Variants in KSR2 observed in about 807,000 individuals in gnomAD.
KSR2 encodes kinase suppressor of ras 2.
Under a neutral mutation model 107.8 loss-of-function variants are expected in KSR2, and 25 were observed. The observed-to-expected ratio is 0.23, with a 90% CI of 0.17 to 0.32. The LOEUF is 0.32. Ranked by LOEUF, KSR2 falls within the 10% of genes least tolerant of loss-of-function variation. The probability of loss-of-function intolerance (pLI) is 1.00; values close to 1 mark genes in which losing one functional copy is unlikely to be tolerated. For synonymous variants in KSR2, 480 were observed against 507.0 expected (o/e 0.95, Z 0.71); for missense variants, 887 against 1,268.9 (o/e 0.70, Z 4.57).
At chr12:117,763,544 C>T (rs1302751742) in intron 3 of KSR2, among the ~76,000 whole-genome samples, 2 of 152,118 alleles carry the variant, frequency 1.3e-5, no homozygotes, top group Non-Finnish European at 2.9e-5. Flanking sequence ...CAGTCACTTT[C>T]CTAGGTCTCT....
intron 3 of KSR2, among the ~76,000 whole-genome samples, chr12:117,814,685 G>T (rs143781879): frequency 6.6e-6 from 1 of 152,170 alleles, no homozygotes; most frequent in African/African-American, 2.4e-5. Context: ...CTCGGGAGGC[G>T]TCTAGGGGCA....
intron 7 of KSR2, among the ~76,000 whole-genome samples, chr12:117,571,495 T>A (rs181126077): frequency 3.2e-4 from 48 of 152,198 alleles, no homozygotes; most frequent in Non-Finnish European, 6.0e-4. Context: ...AGGGGCTTAG[T>A]CTCAGGTACC....
At chr12:117,515,544 T>C (rs1485324986) in intron 14 of KSR2, among the ~76,000 whole-genome samples, 26 of 151,590 alleles carry the variant, frequency 1.7e-4, no homozygotes, top group Admixed American at 1.7e-3. Flanking sequence ...TGTTCTAAGG[T>C]GGGGGAGGGA....
At chr12:117,521,766 G>A (rs1592952150) in intron 14 of KSR2, among the ~76,000 whole-genome samples, 1 of 152,192 alleles carries the variant, frequency 6.6e-6, no homozygotes, top group Admixed American at 6.5e-5. Flanking sequence ...TCCAAAAATG[G>A]TTCCAGTTGG....
intron 3 of KSR2, among the ~76,000 whole-genome samples, chr12:117,803,331 C>T (rs1440925395): frequency 6.6e-6 from 1 of 152,156 alleles, no homozygotes; most frequent in Non-Finnish European, 1.5e-5. Context: ...ATATATTCAC[C>T]TTTTGCCAAG....
At chr12:117,655,876 T>C (rs1361125629) in intron 5 of KSR2, among the ~76,000 whole-genome samples, 1 of 152,162 alleles carries the variant, frequency 6.6e-6, no homozygotes, top group African/African-American at 2.4e-5. Context: ...CATTAGGGCA[T>C]CTCTGAGTAT....
chr12:117,763,136 C>T (rs964140673), intron 3 of KSR2, among the ~76,000 whole-genome samples: 7 of 151,594 alleles, frequency 4.6e-5, no homozygotes, highest in African/African-American at 1.7e-4. Context: ...TGAGAACATG[C>T]GGTGTTTGGT....
chr12:117,623,733 G>A (rs1358500475), intron 5 of KSR2, among the ~76,000 whole-genome samples: 571 of 135,020 alleles, frequency 4.2e-3, no homozygotes, highest in South Asian at 6.6e-3. Context: ...ATAATCCTTT[G>A]GGTATATACC....
chr12:117,960,456 C>T (rs962235821), intron 1 of KSR2, among the ~76,000 whole-genome samples: 7 of 152,130 alleles, frequency 4.6e-5, no homozygotes, highest in East Asian at 1.9e-4. Context: ...CTAGGAACAC[C>T]GTTGCTGCCA....
chr12:117,532,224 A>G (rs147458578), intron 10 of KSR2, among the ~76,000 whole-genome samples: 242 of 152,342 alleles, frequency 1.6e-3, no homozygotes, highest in South Asian at 8.1e-3. Context: ...TCTGGAGGAC[A>G]AAAGTCTGAA....
intron 5 of KSR2, among the ~76,000 whole-genome samples, chr12:117,642,381 G>T (rs1227305493): frequency 6.6e-6 from 1 of 152,188 alleles, no homozygotes; most frequent in Admixed American, 6.5e-5. Flanking sequence ...AGAGTTGGAA[G>T]TTGTCCTAGG....
At chr12:117,491,619 T>C (rs1206122671) in intron 14 of KSR2, among the ~76,000 whole-genome samples, 1 of 152,226 alleles carries the variant, frequency 6.6e-6, no homozygotes, top group East Asian at 1.9e-4. Flanking sequence ...CACATTTTCT[T>C]GATCCATTCA....
chr12:117,808,276 A>C (rs1224757567), intron 3 of KSR2, among the ~76,000 whole-genome samples: 1 of 152,160 alleles, frequency 6.6e-6, no homozygotes, highest in East Asian at 1.9e-4. Context: ...CCCAGAAATC[A>C]GTGTTTTTGC....
At chr12:117,794,930 G>A (rs1890569071) in intron 3 of KSR2, among the ~76,000 whole-genome samples, 2 of 152,226 alleles carry the variant, frequency 1.3e-5, no homozygotes, top group South Asian at 4.1e-4. Context: ...GGGACAGAAA[G>A]AGACAGCCTA....
intron 5 of KSR2, among the ~76,000 whole-genome samples, chr12:117,615,735 C>T (rs1386088245): frequency 2.0e-5 from 3 of 152,202 alleles, no homozygotes; most frequent in Non-Finnish European, 4.4e-5. Context: ...AAGCGACATA[C>T]TGACTGGATA....
intron 4 of KSR2, among the ~76,000 whole-genome samples, chr12:117,723,657 T>C (rs1318324232): frequency 6.6e-6 from 1 of 152,066 alleles, no homozygotes; most frequent in Admixed American, 6.5e-5. Context: ...GAAATCCAAA[T>C]AAGATCTGTA....
chr12:117,476,321 G>C (rs541894059), intron 17 of KSR2, 143 bp downstream of exon 17: 3 of 927,630 alleles, frequency 3.2e-6, no homozygotes, highest in Admixed American at 6.7e-5. Context: ...CCCTACTCAG[G>C]TTCCTCCATT....
intron 5 of KSR2, among the ~76,000 whole-genome samples, chr12:117,582,963 A>G (rs1038935682): frequency 6.6e-6 from 1 of 151,604 alleles, no homozygotes; most frequent in African/African-American, 2.4e-5. Flanking sequence ...GCTGACTCCA[A>G]TTTTTTTTTG....
chr12:117,605,620 T>C (rs1404234252), intron 5 of KSR2, among the ~76,000 whole-genome samples: 2 of 152,172 alleles, frequency 1.3e-5, no homozygotes, highest in Admixed American at 1.3e-4. Context: ...ATCCCATTAC[T>C]TGGTATATAC....
Sources: gnomAD v4.1 joint callset for allele counts (sites outside exome capture counted in the v4.1 genomes callset) on GRCh38, gnomAD v4.1.1 for gene constraint, MANE v1.5 for transcripts, NCBI Gene and HGNC (gene_info 2026-07-23, HGNC 2026-07-21) for gene names.